Variants in LRRC4C observed in about 807,000 individuals in gnomAD.
The protein encoded by LRRC4C is leucine rich repeat containing 4C.
A neutral mutation model predicts 33.6 loss-of-function variants in LRRC4C; 5 were observed. The observed-to-expected ratio is 0.15, with a 90% CI of 0.08 to 0.31. The LOEUF is 0.31. Ranked by LOEUF, LRRC4C falls within the 10% of genes least tolerant of loss-of-function variation. The pLI is 1.00. For missense variants in LRRC4C, 560 were observed against 796.7 expected (o/e 0.70, Z 3.58); for synonymous variants, 329 against 302.0 (o/e 1.09, Z -0.93).
intron 1 of LRRC4C, among the ~76,000 whole-genome samples, chr11:41,299,628 T>A (rs1254844198): frequency 6.6e-6 from 1 of 152,156 alleles, no homozygotes; most frequent in Non-Finnish European, 1.5e-5. Flanking sequence ...GAATTTATGA[T>A]CCATCATGAA....
At chr11:40,568,976 A>C (rs997163674) in intron 3 of LRRC4C, among the ~76,000 whole-genome samples, 1 of 152,190 alleles carries the variant, frequency 6.6e-6, no homozygotes, top group Non-Finnish European at 1.5e-5. Context: ...CTCCACAGCT[A>C]ACCTGTACTC....
chr11:40,809,482 T>A (rs1951392033), intron 2 of LRRC4C, among the ~76,000 whole-genome samples: 1 of 152,144 alleles, frequency 6.6e-6, no homozygotes, highest in South Asian at 2.1e-4. Context: ...AATTTCTACA[T>A]CTCCCCACCT....
At chr11:41,224,176 C>T (rs1192602530) in intron 1 of LRRC4C, among the ~76,000 whole-genome samples, 4 of 152,084 alleles carry the variant, frequency 2.6e-5, no homozygotes, top group Admixed American at 6.6e-5. Context: ...GAGAGAATTA[C>T]CTGCCGTGGA....
chr11:41,330,411 T>A (rs1257134184), intron 1 of LRRC4C, among the ~76,000 whole-genome samples: 2 of 152,206 alleles, frequency 1.3e-5, no homozygotes, highest in Non-Finnish European at 2.9e-5. Flanking sequence ...AGTGTTACAA[T>A]TTTTCTTTAA....
chr11:40,500,540 C>T (rs1458578817), intron 3 of LRRC4C, among the ~76,000 whole-genome samples: 2 of 151,854 alleles, frequency 1.3e-5, no homozygotes, highest in Non-Finnish European at 2.9e-5. Flanking sequence ...AGGCAAAAGG[C>T]ACGTTTAACA....
intron 5 of LRRC4C, among the ~76,000 whole-genome samples, chr11:40,142,287 A>G (rs1387561984): frequency 6.6e-6 from 1 of 151,592 alleles, no homozygotes; most frequent in East Asian, 1.9e-4. Context: ...CAAAAAAAAA[A>G]AAAAAAAAAA....
At chr11:40,687,634 A>G (rs942794167) in intron 2 of LRRC4C, among the ~76,000 whole-genome samples, 1 of 152,136 alleles carries the variant, frequency 6.6e-6, no homozygotes. Context: ...CCAATTGTAC[A>G]TAAGTATTAA....
At chr11:41,137,013 C>A (rs962436038) in intron 1 of LRRC4C, among the ~76,000 whole-genome samples, 4 of 151,950 alleles carry the variant, frequency 2.6e-5, no homozygotes, top group East Asian at 1.9e-4. Context: ...TTTAGGAGGC[C>A]GAGGCAGGTG....
chr11:41,045,090 T>C (rs6485244), intron 1 of LRRC4C, among the ~76,000 whole-genome samples: 35,985 of 151,964 alleles, frequency 0.24, 4,663 homozygotes, highest in African/African-American at 0.33. Context: ...TTTTTTCTCC[T>C]TTTGGTTGCT....
At chr11:40,225,350 G>A (rs1239480227) in intron 5 of LRRC4C, among the ~76,000 whole-genome samples, 1 of 152,082 alleles carries the variant, frequency 6.6e-6, no homozygotes, top group Non-Finnish European at 1.5e-5. Flanking sequence ...GGTGAGCTAG[G>A]GAAAATGGAC....
At position 40,459,126 on chromosome 11, in the gene LRRC4C, T is replaced by C. The variant is rs1952270403; in HGVS notation, c.-269-139405A>G. On this transcript the variant is annotated intron_variant, in intron 3 of 6. Transcript: ENST00000528697. ...TGGGAAAACCAGCTACTGAGTACTT[T>C]CTAATGACCTTCCCTCTTTCATATG... Among the ~76,000 whole-genome samples the C allele has an allele frequency of 2.6e-5, 4 of 152,322 alleles. No homozygotes were observed. In the South Asian group the frequency reaches 8.3e-4, roughly 32 times the overall value.
chr11:40,592,718 T>C (rs1385409789), intron 3 of LRRC4C, among the ~76,000 whole-genome samples: 2 of 152,156 alleles, frequency 1.3e-5, no homozygotes, highest in African/African-American at 2.4e-5. Context: ...CCTTCCAGTG[T>C]TCCAAGACAC....
intron 3 of LRRC4C, among the ~76,000 whole-genome samples, chr11:40,590,762 T>TG (rs1377966980): frequency 1.4e-5 from 2 of 142,432 alleles, no homozygotes; most frequent in Admixed American, 7.1e-5. Flanking sequence ...GTGCCCCTGC[T>TG]GGGGGGTGCC....
At chr11:40,281,678 A>C (rs1201734367) in intron 4 of LRRC4C, among the ~76,000 whole-genome samples, 2 of 152,216 alleles carry the variant, frequency 1.3e-5, no homozygotes, top group Non-Finnish European at 2.9e-5. Context: ...TTAGTACTAC[A>C]GTTCTTTAGA....
intron 1 of LRRC4C, among the ~76,000 whole-genome samples, chr11:41,169,411 G>T (rs940886651): frequency 2.0e-5 from 3 of 152,000 alleles, no homozygotes; most frequent in African/African-American, 7.2e-5. Context: ...GTAGTACTAG[G>T]AGCTTGTTGT....
chr11:40,138,318 A>C (rs367958615), intron 6 of LRRC4C, among the ~76,000 whole-genome samples: 3 of 152,098 alleles, frequency 2.0e-5, no homozygotes, highest in East Asian at 3.8e-4. Context: ...CTATAGGTGC[A>C]TGCTACCACA....
intron 1 of LRRC4C, among the ~76,000 whole-genome samples, chr11:41,310,268 A>C (rs561527572): frequency 6.6e-6 from 1 of 152,350 alleles, no homozygotes; most frequent in East Asian, 1.9e-4. Context: ...TATTAAAGAG[A>C]TCAGAATCAA....
At chr11:41,238,273 T>TAGGCTAA (rs1320234128) in intron 1 of LRRC4C, among the ~76,000 whole-genome samples, 5 of 152,204 alleles carry the variant, frequency 3.3e-5, no homozygotes, top group Non-Finnish European at 5.9e-5. Flanking sequence ...TTTACCTCTT[T>TAGGCTAA]AGGCTAACCA....
rs148925883 is a variant in LRRC4C, at chr11:41,344,510, G to A, written c.-496+114921C>T. Among the ~76,000 whole-genome samples the A allele has an allele frequency of 1.6e-4, 25 of 152,228 alleles. No homozygotes were observed. In the East Asian group the frequency reaches 3.3e-3, roughly 20 times the overall value. On this transcript the variant is annotated intron_variant, in intron 1 of 6. Transcript: ENST00000528697. ...GCTGGGATTACAGGCGTGAGCCACC[G>A]CGCCCGGCCAAAGCCTTTCTATCTT...
Sources: allele counts gnomAD v4.1 joint callset (sites outside exome capture counted in the v4.1 genomes callset), GRCh38; gene constraint gnomAD v4.1.1; transcripts MANE v1.5; gene names NCBI Gene and HGNC (gene_info 2026-07-23, HGNC 2026-07-21).